PDLIM4: variants seen among roughly 807,000 people sequenced by gnomAD.
The protein encoded by PDLIM4 is PDZ and LIM domain protein 4.
PDLIM4 carries 19 observed loss-of-function variants against 31.3 expected under a neutral mutation model. The ratio of observed to expected loss-of-function variants is 0.61; its 90% CI spans 0.42 to 0.89. PDLIM4 has a LOEUF of 0.89. PDLIM4 is among the 40% of genes least tolerant of loss of function. The pLI is 0.00. For synonymous variants in PDLIM4, 176 were observed against 190.1 expected, an observed-to-expected ratio of 0.93 and a Z score of 0.61; for missense variants, 442 against 461.1, an observed-to-expected ratio of 0.96 and a Z score of 0.38.
At chr5:132,265,686 G>A (rs1756476839) in intron 2 of PDLIM4, among the ~76,000 whole-genome samples, 1 of 152,178 alleles carries the variant, frequency 6.6e-6, no homozygotes, top group African/African-American at 2.4e-5. Context: ...GAGTTGGAGG[G>A]CATTATTCCC....
chr5:132,259,104 G>A (rs1034574497), intron 1 of PDLIM4, among the ~76,000 whole-genome samples: 3 of 151,710 alleles, frequency 2.0e-5, no homozygotes, highest in Non-Finnish European at 4.4e-5. Context: ...ACATCCCAGA[G>A]CCTTTCATCT....
chr5:132,262,525 C>T (rs1756396739), intron 1 of PDLIM4, 84 bp from the exon 2 acceptor site: 2 of 1,300,046 alleles, frequency 1.5e-6, no homozygotes, highest in Non-Finnish European at 2.1e-6. Context: ...TGGCTAGGTT[C>T]TGAGGTTGGA....
chr5:132,271,541 C>A, intron 5 of PDLIM4, 75 bp downstream of exon 5: 1 of 1,451,932 alleles, frequency 6.9e-7, no homozygotes, highest in South Asian at 1.2e-5. Context: ...AGCGACCCCA[C>A]GTCCCGCCTC....
rs190292381 is a variant in PDLIM4, at chr5:132,270,722, A to T, written c.328-193A>T. On this transcript the variant is annotated intron_variant, in intron 3 of 6. Coordinates refer to ENST00000253754, the MANE Select transcript of PDLIM4 (RefSeq NM_003687.4). ...GGACGTTTCTCATTTCTGCAGGGGC[A>T]TAACCAGTCCCCAGGCCCAGCCCTT... Among the ~76,000 whole-genome samples the T allele has an allele frequency of 1.9e-4, 29 of 152,360 alleles. No individual in the cohort carries two copies. The East Asian group carries it at 5.4e-3, about 28-fold the overall frequency.
chr5:132,271,194 T>C, intron 4 of PDLIM4, 101 bp downstream of exon 4: 1 of 1,495,700 alleles, frequency 6.7e-7, no homozygotes, highest in Admixed American at 1.8e-5. Context: ...ACTTGATCCT[T>C]GGGTCTTAGC....
chr5:132,259,841 C>T (rs542420153), intron 1 of PDLIM4, among the ~76,000 whole-genome samples: 1 of 152,296 alleles, frequency 6.6e-6, no homozygotes, highest in Non-Finnish European at 1.5e-5. Flanking sequence ...GGCTCCTTCC[C>T]CACAAGCTAT....
In PDLIM4 at chr5:132,272,500, A is replaced by C; in HGVS notation, c.*271A>C. ...CAGCCTGGGTGGAAGGCAGACCTGA[A>C]TCACAACGGGCCAGCTCTAGTAATA... On this transcript the variant is annotated 3_prime_UTR_variant, in exon 7 of 7. Coordinates refer to ENST00000253754, the MANE Select transcript of PDLIM4 (RefSeq NM_003687.4). The C allele has an allele frequency of 3.9e-6, 2 of 519,472 alleles. No homozygotes were observed. 32.2% of individuals were successfully genotyped at this position (519,472 alleles called of 1,614,324 possible).
At chr5:132,271,977 T>G in intron 6 of PDLIM4, 48 bp from the exon 7 acceptor site, 2 of 1,602,280 alleles carry the variant, frequency 1.2e-6, no homozygotes, top group Non-Finnish European at 1.7e-6. Context: ...GGCGCAGTCG[T>G]GAACCCATCA....
chr5:132,265,267 G>T (rs753993290), intron 2 of PDLIM4, among the ~76,000 whole-genome samples: 1 of 152,232 alleles, frequency 6.6e-6, no homozygotes, highest in Non-Finnish European at 1.5e-5. Flanking sequence ...TTCGACCTTA[G>T]ACGTCAGGCT....
intron 1 of PDLIM4, among the ~76,000 whole-genome samples, chr5:132,259,775 G>C (rs1242584307): frequency 6.6e-6 from 1 of 152,144 alleles, no homozygotes; most frequent in African/African-American, 2.4e-5. Context: ...CGGCAGGGCT[G>C]GGGGCTTGCA....
At chr5:132,263,953 A>G (rs1055444270) in intron 2 of PDLIM4, among the ~76,000 whole-genome samples, 3 of 152,160 alleles carry the variant, frequency 2.0e-5, no homozygotes, top group African/African-American at 4.8e-5. Flanking sequence ...TTTCCCATTA[A>G]CGGATCACAT....
intron 3 of PDLIM4, among the ~76,000 whole-genome samples, chr5:132,269,352 C>T (rs1379418067): frequency 6.6e-6 from 1 of 151,688 alleles, no homozygotes; most frequent in African/African-American, 2.4e-5. Flanking sequence ...CTGAGCCCCA[C>T]CCCCACTGGC....
intron 1 of PDLIM4, among the ~76,000 whole-genome samples, chr5:132,259,327 G>A (rs772580185): frequency 6.6e-6 from 1 of 152,158 alleles, no homozygotes; most frequent in Non-Finnish European, 1.5e-5. Flanking sequence ...TGAGACATCT[G>A]TTGCCCACGC....
Position 132,271,913 on chromosome 5 carries a change from GTAACCGCCCCCGCTGCCCCTCCCGGACCC to G in PDLIM4, c.788+8_788+36del. 1 of 1,602,876 alleles carries G rather than the reference GTAACCGCCCCCGCTGCCCCTCCCGGACCC, an allele frequency of 6.2e-7. No homozygotes were observed. Among genetic ancestry groups the G allele is most frequent in the Non-Finnish European group, 8.5e-7 (1 of 1,172,026 alleles). On this transcript the variant is annotated splice_donor_region_variant and intron_variant, in intron 6 of 6. Transcript: ENST00000253754. ...GCGCTGCGGCCACGGCATCGTGTGA[GTAACCGCCCCCGCTGCCCCTCCCGGACCC>G]TAGCCTTCCAGGGCCCTGGATGCGG...
rs1228654514 is a variant in PDLIM4, at chr5:132,273,204, C to T, written c.*975C>T. ...TAGACTCCGGGTCGCGTGGATCTAC[C>T]CTCTAGTTTACTTGCTCGGGAGAAG... is the stretch of plus-strand genomic sequence containing the variant. On this transcript the variant is annotated 3_prime_UTR_variant, in exon 7 of 7. Coordinates refer to ENST00000253754, the MANE Select transcript of PDLIM4 (RefSeq NM_003687.4). 1 of 152,268 alleles carries T rather than the reference C, an allele frequency of 6.6e-6. No individual in the cohort carries two copies. The highest frequency in any genetic ancestry group is 1.5e-5 in the Non-Finnish European group (1 of 68,026). The allele number at this position is 152,268 out of a possible 1,614,324, so 9.4% of individuals were successfully genotyped here. A position where few individuals can be genotyped will look rare whatever the true frequency, so the allele number is the denominator to read the frequency against.
intron 1 of PDLIM4, among the ~76,000 whole-genome samples, chr5:132,260,166 C>G (rs528812790): frequency 2.0e-5 from 3 of 152,188 alleles, no homozygotes; most frequent in Non-Finnish European, 2.9e-5. Flanking sequence ...AATGTGGCAC[C>G]TGGTTCTGAC....
Position 132,272,271 on chromosome 5 carries a change from T to C in PDLIM4, c.*42T>C, listed in dbSNP as rs765220610. On this transcript the variant is annotated 3_prime_UTR_variant, in exon 7 of 7. Coordinates refer to ENST00000253754, the MANE Select transcript of PDLIM4 (RefSeq NM_003687.4). ...CACGCCTGCTTCTTAAGGTCCCTGCTCGGCCGGTGTAAATATGTTTCACCC... is the reference window on the plus strand; with the variant it reads ...CACGCCTGCTTCTTAAGGTCCCTGCCCGGCCGGTGTAAATATGTTTCACCC... The C allele has an allele frequency of 6.6e-7, 1 of 1,511,020 alleles. No individual in the cohort carries two copies. Among genetic ancestry groups the C allele is most frequent in the South Asian group, 1.1e-5 (1 of 88,256 alleles). 93.6% of individuals were successfully genotyped at this position (1,511,020 alleles called of 1,614,324 possible).
intron 3 of PDLIM4, among the ~76,000 whole-genome samples, chr5:132,268,805 A>C (rs900181500): frequency 2.0e-5 from 3 of 152,106 alleles, no homozygotes; most frequent in Admixed American, 2.0e-4. Context: ...TGAGTGTCCC[A>C]AAGCAGGTAG....
rs752956503 is a variant in PDLIM4 at position 132,271,879 on chromosome 5, C to G, written c.759C>G (p.Pro253=). The G allele has an allele frequency of 5.0e-6, 8 of 1,609,440 alleles. No individual in the cohort carries two copies. Among genetic ancestry groups the G allele is most frequent in the East Asian group, 2.2e-5 (1 of 44,766 alleles). The change falls in exon 6 of 7, where the codon CCC becomes CCG. Residue 253 remains proline, a synonymous_variant. Transcript: ENST00000253754. ...GAPLSGLQGL[P]ECTRCGHGIV... ...CGCTGAGCGGCCTGCAGGGGCTGCCCGAGTGCACGCGCTGCGGCCACGGCA... is the reference window on the plus strand; with the variant it reads ...CGCTGAGCGGCCTGCAGGGGCTGCCGGAGTGCACGCGCTGCGGCCACGGCA...
Sources: allele counts gnomAD v4.1 joint callset (sites outside exome capture counted in the v4.1 genomes callset), GRCh38; gene constraint gnomAD v4.1.1; transcripts MANE v1.5; gene names NCBI Gene and HGNC (gene_info 2026-07-23, HGNC 2026-07-21).